Variants in PLD1 observed in about 807,000 individuals in gnomAD.
The protein encoded by PLD1 is phospholipase D1.
In PLD1, 112 loss-of-function variants were observed where a neutral mutation model predicts 137.1. That is an observed-to-expected ratio of 0.82 (90% CI 0.70 to 0.96). The LOEUF (loss-of-function observed/expected upper bound fraction) is 0.96, where lower values mean the gene tolerates loss of function less well. PLD1 is among the 40% of genes least tolerant of loss of function. The pLI, the probability that PLD1 is intolerant of heterozygous loss-of-function variation, is 0.00. For missense variants in PLD1, 1,321 were observed against 1,342.0 expected (o/e 0.98, Z 0.24); for synonymous variants, 431 against 454.7 (o/e 0.95, Z 0.66).
chr3:171,750,209 C>T (rs931377728), intron 1 of PLD1, among the ~76,000 whole-genome samples: 50 of 152,016 alleles, frequency 3.3e-4, no homozygotes, highest in Admixed American at 1.8e-3. Context: ...TTTTAGTGAA[C>T]GAATAAGTAG....
At chr3:171,640,340 T>G (rs1560171401) in intron 23 of PLD1, among the ~76,000 whole-genome samples, 1 of 152,172 alleles carries the variant, frequency 6.6e-6, no homozygotes, top group Non-Finnish European at 1.5e-5. Context: ...TATAGCTGCC[T>G]CTCATAAGTT....
chr3:171,700,034 T>TTC (rs112036117), intron 11 of PLD1, among the ~76,000 whole-genome samples: 163 of 148,704 alleles, frequency 1.1e-3, no homozygotes, highest in Non-Finnish European at 1.4e-3. Context: ...TCTTAGTTCT[T>TTC]TCTCTCTCTC....
chr3:171,620,553 T>C (rs1578118792), intron 23 of PLD1, 33 bp from the exon 24 acceptor site: 4 of 1,351,934 alleles, frequency 3.0e-6, no homozygotes, highest in African/African-American at 1.4e-5. Flanking sequence ...TTAAAATTAA[T>C]ATGACCAAGC....
Position 171,746,309 on chromosome 3 carries a change from C to T in PLD1, c.-31-8227G>A, listed in dbSNP as rs570599831. On this transcript the variant is annotated intron_variant, in intron 1 of 26. Coordinates refer to ENST00000351298, the MANE Select transcript of PLD1 (RefSeq NM_002662.5). ...GGCAGCTCAGCCTGCAGCCTGGGCACGGGATCCACTAGGCAAAGCCAGCTG... is the reference window on the plus strand; with the variant it reads ...GGCAGCTCAGCCTGCAGCCTGGGCATGGGATCCACTAGGCAAAGCCAGCTG... Among the ~76,000 whole-genome samples, 21 of 152,328 alleles carry T rather than the reference C, an allele frequency of 1.4e-4. No individual in the cohort carries two copies. In the South Asian group the frequency reaches 2.9e-3, roughly 21 times the overall value.
At chr3:171,774,538 T>G (rs1337183806) in intron 1 of PLD1, among the ~76,000 whole-genome samples, 1 of 152,180 alleles carries the variant, frequency 6.6e-6, no homozygotes, top group African/African-American at 2.4e-5. Flanking sequence ...AACCGGAAAG[T>G]GTCCAGATAT....
chr3:171,704,772 C>A (rs1716541205), intron 11 of PLD1, among the ~76,000 whole-genome samples: 1 of 152,290 alleles, frequency 6.6e-6, no homozygotes, highest in South Asian at 2.1e-4. Context: ...GATCATAGAG[C>A]AGCAGTCCCC....
At chr3:171,682,152 GAAAGAAAGAAAGAA>G (rs58726215) in intron 16 of PLD1, among the ~76,000 whole-genome samples, 14,790 of 81,918 alleles carry the variant, frequency 0.18, 1,264 homozygotes, top group African/African-American at 0.22. Context: ...AAGAAAGAAA[GAAAGAAAGAAAGAA>G]AAAGAAAGAA....
chr3:171,764,971 A>G (rs1485195456), intron 1 of PLD1, among the ~76,000 whole-genome samples: 4 of 109,198 alleles, frequency 3.7e-5, no homozygotes, highest in African/African-American at 8.7e-5. Flanking sequence ...AGAAAGAAAG[A>G]AAGAAAGAAA....
In PLD1 at chr3:171,639,509, A is replaced by C. The variant is rs563604351; in HGVS notation, c.2593+3331T>G. ...TAAATATTTTATTTAATACATAATA[A>C]ATAATATATATTCATATAATATATA... On this transcript the variant is annotated intron_variant, in intron 23 of 26. Transcript: ENST00000351298. Among the ~76,000 whole-genome samples the C allele has an allele frequency of 2.7e-5, 3 of 109,142 alleles. No homozygotes were observed. In the East Asian group the frequency reaches 7.1e-4, roughly 26 times the overall value. 71.6% of individuals were successfully genotyped at this position (109,142 alleles called of 152,430 possible). A position where few individuals can be genotyped will look rare whatever the true frequency, so the allele number is the denominator to read the frequency against.
chr3:171,799,337 TAAAAAAAAAAAAAA>T (rs758379833), intron 1 of PLD1, among the ~76,000 whole-genome samples: 1 of 57,866 alleles, frequency 1.7e-5, no homozygotes, highest in Non-Finnish European at 3.0e-5. Flanking sequence ...AGACTCCGTC[TAAAAAAAAAAAAAA>T]AAAAAAAAAA....
intron 1 of PLD1, among the ~76,000 whole-genome samples, chr3:171,807,294 C>A (rs201657246): frequency 2.7e-5 from 4 of 148,620 alleles, no homozygotes; most frequent in Admixed American, 6.7e-5. Context: ...GACCCTGTCT[C>A]AAAAAAAAAA....
At chr3:171,731,918 GA>G (rs1443019492) in intron 6 of PLD1, among the ~76,000 whole-genome samples, 4 of 152,050 alleles carry the variant, frequency 2.6e-5, no homozygotes, top group Admixed American at 6.6e-5. Context: ...TTTATGACTG[GA>G]AAAGTCATTA....
intron 21 of PLD1, among the ~76,000 whole-genome samples, chr3:171,650,450 C>A (rs929193899): frequency 6.6e-6 from 1 of 152,130 alleles, no homozygotes; most frequent in Admixed American, 6.5e-5. Context: ...GATGCCAGAA[C>A]AGGCCGGAGG....
At chr3:171,652,282 AGGCACCT>A (rs1736831475) in intron 21 of PLD1, among the ~76,000 whole-genome samples, 2 of 152,086 alleles carry the variant, frequency 1.3e-5, no homozygotes, top group Admixed American at 6.5e-5. Context: ...GCGTGGTGGC[AGGCACCT>A]GTAGTCCCAG....
At chr3:171,767,760 G>A (rs987244791) in intron 1 of PLD1, among the ~76,000 whole-genome samples, 2 of 152,092 alleles carry the variant, frequency 1.3e-5, no homozygotes, top group East Asian at 1.9e-4. Context: ...AGAACAGGCC[G>A]GGCATGTTTA....
chr3:171,637,193 C>T (rs1267902900), intron 23 of PLD1, among the ~76,000 whole-genome samples: 1 of 152,124 alleles, frequency 6.6e-6, no homozygotes, highest in African/African-American at 2.4e-5. Context: ...CTGAGGAATT[C>T]TGTGGTACAT....
intron 19 of PLD1, among the ~76,000 whole-genome samples, chr3:171,666,788 T>C (rs1712193710): frequency 1.3e-5 from 2 of 152,234 alleles, no homozygotes; most frequent in African/African-American, 4.8e-5. Context: ...AACCACGAGT[T>C]TGAATACATA....
chr3:171,669,685 G>A (rs1045695583), intron 19 of PLD1, among the ~76,000 whole-genome samples: 1 of 152,258 alleles, frequency 6.6e-6, no homozygotes, highest in Non-Finnish European at 1.5e-5. Flanking sequence ...ACAGGCCTGA[G>A]CCACTGCGCC....
At chr3:171,624,828 A>G (rs1250538834) in intron 23 of PLD1, among the ~76,000 whole-genome samples, 2 of 152,156 alleles carry the variant, frequency 1.3e-5, no homozygotes, top group African/African-American at 4.8e-5. Flanking sequence ...ATCAGGAGAA[A>G]TAAGAAAATA....
Sources: gnomAD v4.1 joint callset for allele counts (sites outside exome capture counted in the v4.1 genomes callset) on GRCh38, gnomAD v4.1.1 for gene constraint, MANE v1.5 for transcripts, NCBI Gene and HGNC (gene_info 2026-07-23, HGNC 2026-07-21) for gene names.